TNRC6C: variants seen among roughly 807,000 people sequenced by gnomAD.
TNRC6C encodes the protein trinucleotide repeat containing adaptor 6C.
A neutral mutation model predicts 153.7 loss-of-function variants in TNRC6C; 20 were observed. The ratio of observed to expected loss-of-function variants is 0.13; its 90% CI spans 0.09 to 0.19. The LOEUF (loss-of-function observed/expected upper bound fraction) is 0.19, where lower values mean the gene tolerates loss of function less well. TNRC6C is among the 10% of genes least tolerant of loss of function. TNRC6C has a pLI of 1.00. For synonymous variants in TNRC6C, 811 were observed against 841.4 expected (o/e 0.96, Z 0.63); for missense variants, 1,987 against 2,172.0 (o/e 0.91, Z 1.69).
chr17:78,014,639 G>T (rs1158870239), intron 1 of TNRC6C, among the ~76,000 whole-genome samples: 4 of 149,608 alleles, frequency 2.7e-5, no homozygotes, highest in Non-Finnish European at 5.9e-5. Context: ...AGTATGTGAT[G>T]TATTGAGAGT....
chr17:77,977,570 T>G lies in TNRC6C; in HGVS notation c.-38+18302T>G, dbSNP rs141470604. Among the ~76,000 whole-genome samples the G allele has an allele frequency of 6.5e-3, 986 of 152,328 alleles. 6 individuals carry two copies. Among genetic ancestry groups the G allele is most frequent in the Middle Eastern group, 0.024 (7 of 294 alleles). ...AGCTATGTGCTAGGATAGGATCTTTTAAGTAGTCCCAGATCCCTTTGAGAA... is the reference window on the plus strand; with the variant it reads ...AGCTATGTGCTAGGATAGGATCTTTGAAGTAGTCCCAGATCCCTTTGAGAA... On this transcript the variant is annotated intron_variant, in intron 1 of 22. Transcript: ENST00000636222.
At chr17:78,001,592 C>T (rs1450262514), upstream of TNRC6C, among the ~76,000 whole-genome samples, 1 of 152,118 alleles carries the variant, frequency 6.6e-6, no homozygotes, top group Non-Finnish European at 1.5e-5. Context: ...GAAGGGAGAT[C>T]CTCCTTCCCT....
intron 14 of TNRC6C, among the ~76,000 whole-genome samples, chr17:78,092,494 A>G (rs929614177): frequency 6.6e-6 from 1 of 152,220 alleles, no homozygotes; most frequent in South Asian, 2.1e-4. Context: ...TTCCCATGGT[A>G]TGGATATGTA....
At chr17:78,031,658 G>A in exon 2 of TNRC6C, 2 of 1,232,474 alleles carry the variant, frequency 1.6e-6, no homozygotes, top group Non-Finnish European at 2.0e-6. Flanking sequence ...CCCGTTACCT[G>A]CCTCGTGAGG....
intron 1 of TNRC6C, among the ~76,000 whole-genome samples, chr17:77,989,693 C>A (rs764625176): frequency 6.6e-6 from 1 of 152,150 alleles, no homozygotes; most frequent in Admixed American, 6.5e-5. Flanking sequence ...CAGTGGATAT[C>A]CTTATACCTA....
upstream of TNRC6C, among the ~76,000 whole-genome samples, chr17:78,000,630 C>CCCA (rs1555628277): frequency 6.3e-3 from 392 of 62,234 alleles, 41 homozygotes; most frequent in South Asian, 0.02. Flanking sequence ...CCCCCCCCCC[C>CCCA]CACACACACA....
intron 7 of TNRC6C, among the ~76,000 whole-genome samples, chr17:78,074,789 T>C (rs2144335890): frequency 6.6e-6 from 1 of 152,164 alleles, no homozygotes; most frequent in East Asian, 1.9e-4. Context: ...TGCAGAAAAC[T>C]AGGGGAGGGG....
chr17:78,015,050 A>G (rs1020490527), intron 1 of TNRC6C, among the ~76,000 whole-genome samples: 1 of 152,212 alleles, frequency 6.6e-6, no homozygotes, highest in Non-Finnish European at 1.5e-5. Context: ...GTTCTCTTAC[A>G]TAGTCACATT....
intron 1 of TNRC6C, among the ~76,000 whole-genome samples, chr17:78,025,858 G>A (rs1233809306): frequency 2.6e-5 from 4 of 152,138 alleles, no homozygotes; most frequent in Non-Finnish European, 5.9e-5. Context: ...GAGGAAATCC[G>A]TGGACTCTGG....
At chr17:77,984,464 G>C (rs1362079922) in intron 1 of TNRC6C, among the ~76,000 whole-genome samples, 1 of 152,104 alleles carries the variant, frequency 6.6e-6, no homozygotes, top group African/African-American at 2.4e-5. Context: ...GCTGCAGTGA[G>C]CTGTGGTTGC....
intron 1 of TNRC6C, among the ~76,000 whole-genome samples, chr17:77,965,307 A>C (rs1368006019): frequency 6.6e-6 from 1 of 152,214 alleles, no homozygotes; most frequent in Admixed American, 6.5e-5. Context: ...GTGTCCTGCT[A>C]TCCAGCTGCC....
chr17:78,097,771 G>A (rs1341776046), intron 16 of TNRC6C: 2 of 1,550,764 alleles, frequency 1.3e-6, no homozygotes, highest in African/African-American at 2.7e-5. Flanking sequence ...ATCTCAGAAT[G>A]CCACGCTGCC....
At chr17:78,001,812 AG>A (rs973704634), upstream of TNRC6C, among the ~76,000 whole-genome samples, 1 of 152,106 alleles carries the variant, frequency 6.6e-6, no homozygotes, top group Non-Finnish European at 1.5e-5. Context: ...GGGATATGGA[AG>A]GGGGAGAAAG....
Position 78,049,096 on chromosome 17 carries a change from G to A in TNRC6C, c.34G>A (p.Gly12Arg). 1 of 1,572,170 alleles carries A rather than the reference G, an allele frequency of 6.4e-7. No individual in the cohort carries two copies. Residue 12 changes from glycine to arginine, a missense_variant, in exon 3 of 20, where the codon GGA (glycine) becomes AGA (arginine). Gly to Arg is a moderately radical substitution (Grantham distance 125, BLOSUM62 -2). Around this residue, in one of 4 missense-constraint regions of TNRC6C, gnomAD observed 1,052 missense variants for 1,017.0 expected, o/e 1.03. Coordinates refer to ENST00000301624, the Ensembl canonical transcript of TNRC6C. This position sits in a 1 kb window ranked among gnomAD's most constrained non-coding sequence, Gnocchi z 4.1. Reference sequence around the variant, plus strand: ...AGGGAGTGCCCAGGGCAACTTCACTGGACATACCAAGAAGACAAATGGCAA... The same window carrying A: ...AGGGAGTGCCCAGGGCAACTTCACTAGACATACCAAGAAGACAAATGGCAA...
At chr17:78,068,030 G>A (rs551048317) in intron 5 of TNRC6C, 107 bp downstream of exon 7, 36 of 1,364,188 alleles carry the variant, frequency 2.6e-5, no homozygotes, top group Non-Finnish European at 3.5e-5. Flanking sequence ...GGTTCTCAAA[G>A]TAGTCTTAGG....
chr17:77,997,535 A>G (rs1404012496), intron 1 of TNRC6C, among the ~76,000 whole-genome samples: 2 of 152,058 alleles, frequency 1.3e-5, no homozygotes, highest in East Asian at 1.9e-4. Context: ...CCCAACACAT[A>G]CTGTCTGCAC....
At chr17:77,969,853 A>G (rs932548286) in intron 1 of TNRC6C, among the ~76,000 whole-genome samples, 1 of 152,104 alleles carries the variant, frequency 6.6e-6, no homozygotes, top group African/African-American at 2.4e-5. Context: ...AGCCCACTTA[A>G]AGGGACTCTA....
chr17:78,051,491 A>AG (rs1469157919), intron 3 of TNRC6C, 43 bp downstream of exon 5: 9 of 1,397,030 alleles, frequency 6.4e-6, no homozygotes, highest in Non-Finnish European at 8.4e-6. Flanking sequence ...AAAAAAAAAA[A>AG]AAAAAAAGCT....
chr17:78,008,724 C>T (rs577670427), intron 1 of TNRC6C: 2 of 152,134 alleles, frequency 1.3e-5, no homozygotes, highest in South Asian at 4.2e-4. Context: ...TCTTATTTTT[C>T]CCTCCTGTGA....
Sources: allele counts gnomAD v4.1 joint callset (sites outside exome capture counted in the v4.1 genomes callset), GRCh38; gene constraint gnomAD v4.1.1; regional missense constraint gnomAD v4.1.1; non-coding constraint Gnocchi (gnomAD v3.1); transcripts MANE v1.5; gene names NCBI Gene and HGNC (gene_info 2026-07-23, HGNC 2026-07-21).